TTI1: variants seen among roughly 807,000 people sequenced by gnomAD.
TTI1 encodes TELO2 interacting protein 1.
In TTI1, 52 loss-of-function variants were observed where a neutral mutation model predicts 85.4. That is an observed-to-expected ratio of 0.61 (90% CI 0.49 to 0.77). The LOEUF (loss-of-function observed/expected upper bound fraction) is 0.77. Ranked by LOEUF, TTI1 falls within the 30% of genes least tolerant of loss-of-function variation. The pLI is 0.00. For missense variants in TTI1, 1,173 were observed against 1,296.0 expected (o/e 0.91, Z 1.46); for synonymous variants, 512 against 503.9 (o/e 1.02, Z -0.22).
intron 1 of TTI1, among the ~76,000 whole-genome samples, chr20:38,014,349 A>G (rs554835739): frequency 1.3e-5 from 2 of 152,348 alleles, no homozygotes; most frequent in South Asian, 4.1e-4. Context: ...AGTAAGATAC[A>G]AAATAATTCC....
intron 1 of TTI1, among the ~76,000 whole-genome samples, chr20:38,016,815 A>G (rs951496529): frequency 6.6e-6 from 1 of 152,216 alleles, no homozygotes. Flanking sequence ...TCTGATCGCA[A>G]TTCTCTAGGC....
chr20:38,008,756 G>C (rs1390400875), intron 2 of TTI1, among the ~76,000 whole-genome samples: 1 of 152,190 alleles, frequency 6.6e-6, no homozygotes, highest in Non-Finnish European at 1.5e-5. Flanking sequence ...ATAATTCTAT[G>C]ACAAACAGAA....
chr20:38,003,768 A>G (rs1044258338), intron 3 of TTI1, among the ~76,000 whole-genome samples: 4 of 145,856 alleles, frequency 2.7e-5, no homozygotes, highest in Admixed American at 1.4e-4. Flanking sequence ...AAAAAAAAAA[A>G]GGGAGAGATA....
At chr20:37,986,710 T>C (rs1002357156) in intron 7 of TTI1, among the ~76,000 whole-genome samples, 10 of 152,186 alleles carry the variant, frequency 6.6e-5, no homozygotes, top group African/African-American at 2.4e-4. Flanking sequence ...GACAACACTT[T>C]GAAGTATATG....
At position 37,983,523 on chromosome 20, in the gene TTI1, T is replaced by G. The variant is rs1007399252; in HGVS notation, c.3203A>C (p.His1068Pro). 1 of 1,611,258 alleles carries G rather than the reference T, an allele frequency of 6.2e-7. No homozygotes were observed. Among genetic ancestry groups the G allele is most frequent in the Admixed American group, 1.7e-5 (1 of 59,826 alleles). The change falls in exon 8 of 8, where the codon CAC becomes CCC. Residue 1068 changes from histidine (H) to proline (P), a missense_variant. Coordinates refer to ENST00000373447, the MANE Select transcript of TTI1 (RefSeq NM_001303457.2). ...GGGGTTCTGCTGCCCGCTGGCCCCG[T>G]GCAGCTGCACAGGGTGGAGGCTGGG... ...PHPSLHPVQL[H>P]GASGQQNPYT... is the part of the protein sequence containing the mutation.
At chr20:38,020,323 A>AAAAATATATATAT in intron 1 of TTI1, among the ~76,000 whole-genome samples, 280 of 50,334 alleles carry the variant, frequency 5.6e-3, no homozygotes, top group Non-Finnish European at 8.1e-3. Flanking sequence ...AAAAAAAAAA[A>AAAAATATATATAT]ATATATATAT....
intron 5 of TTI1, among the ~76,000 whole-genome samples, chr20:37,998,118 C>A (rs992036608): frequency 6.6e-6 from 1 of 152,062 alleles, no homozygotes. Context: ...TTAGTGGAGA[C>A]AGGGTTTCAC....
intron 2 of TTI1, among the ~76,000 whole-genome samples, chr20:38,010,493 C>T (rs1227640656): frequency 2.8e-5 from 3 of 106,684 alleles, no homozygotes; most frequent in African/African-American, 1.1e-4. Flanking sequence ...TTTTTTGAGA[C>T]AGAGTCTCAC....
At chr20:38,002,896 T>G in intron 3 of TTI1, 120 bp from the exon 4 acceptor site, 2 of 1,338,266 alleles carry the variant, frequency 1.5e-6, no homozygotes, top group African/African-American at 2.9e-5. Flanking sequence ...ACAAATGGAC[T>G]GAGACACCTC....
chr20:38,014,786 A>G (rs1003309733), intron 1 of TTI1, among the ~76,000 whole-genome samples: 5 of 152,136 alleles, frequency 3.3e-5, no homozygotes, highest in African/African-American at 1.2e-4. Context: ...TTGTGAAGAG[A>G]AATTCAAAGT....
chr20:38,009,398 T>G (rs1245553397), intron 2 of TTI1, among the ~76,000 whole-genome samples: 1 of 152,206 alleles, frequency 6.6e-6, no homozygotes, highest in Non-Finnish European at 1.5e-5. Context: ...GATTTGTCCT[T>G]GCCCTTCTTT....
chr20:38,000,851 C>T (rs1414628881), intron 4 of TTI1, among the ~76,000 whole-genome samples: 1 of 152,172 alleles, frequency 6.6e-6, no homozygotes, highest in Non-Finnish European at 1.5e-5. Flanking sequence ...GTTCTCCTTG[C>T]CCCTTTGCAG....
chr20:38,013,979 T>G, intron 1 of TTI1, 122 bp from the exon 2 acceptor site: 1 of 979,572 alleles, frequency 1.0e-6, no homozygotes, highest in Non-Finnish European at 1.5e-6. Flanking sequence ...CACAAGGCAC[T>G]AGGGGTGCAA....
At chr20:37,991,029 C>T (rs2073257239) in intron 7 of TTI1, among the ~76,000 whole-genome samples, 1 of 152,318 alleles carries the variant, frequency 6.6e-6, no homozygotes, top group Non-Finnish European at 1.5e-5. Context: ...CCAGATGTCT[C>T]TTATCTTTGA....
rs148297601 is a variant in TTI1, at chr20:38,006,628, T to C, written c.2303-231A>G. On this transcript the variant is annotated intron_variant, in intron 2 of 7. Coordinates refer to ENST00000373447, the MANE Select transcript of TTI1 (RefSeq NM_001303457.2). ...CATAGGCCGTTCTCTGTGTCTGGAA[T>C]ACCTCCCATCTACTTCACATCTGGT... 4.3e-3 allele frequency among the ~76,000 whole-genome samples: 648 copies of C among 152,328 alleles called. 1 individual carries two copies. Among genetic ancestry groups the C allele is most frequent in the Non-Finnish European group, 6.2e-3 (420 of 68,024 alleles).
intron 6 of TTI1, 110 bp downstream of exon 6, chr20:37,996,639 G>T (rs1237388575): frequency 7.1e-7 from 1 of 1,412,986 alleles, no homozygotes; most frequent in South Asian, 1.3e-5. Flanking sequence ...TAAGACGGAA[G>T]GAGGTACACA....
rs148366227 is a variant in TTI1, at chr20:38,012,506, C to T, written c.1311G>A (p.Glu437=). The T allele has an allele frequency of 2.6e-4, 427 of 1,614,102 alleles. No homozygotes were observed. The highest frequency in any genetic ancestry group is 6.6e-4 in the Middle Eastern group (4 of 6,084). The change falls in exon 2 of 8, where the codon GAG becomes GAA. Residue 437 remains glutamate, a synonymous_variant. Coordinates refer to ENST00000373447, the MANE Select transcript of TTI1 (RefSeq NM_001303457.2). ...CAATCTTGATGTCAGCCACGTCTAG[C>T]TCTAGAACTTGGATGAGTGCTTTGG... ...RLSKALIQVL[E]LDVADIKIVE... is the part of the protein sequence containing the mutation.
intron 1 of TTI1, among the ~76,000 whole-genome samples, chr20:38,015,266 T>C (rs966021333): frequency 1.3e-5 from 2 of 152,132 alleles, no homozygotes; most frequent in African/African-American, 4.8e-5. Context: ...CCTGGAACCC[T>C]ATGAGGAAGG....
chr20:38,020,295 C>T (rs1357207707), intron 1 of TTI1, among the ~76,000 whole-genome samples: 1 of 94,588 alleles, frequency 1.1e-5, no homozygotes, highest in Non-Finnish European at 2.0e-5. Context: ...TGCTATGTCA[C>T]TTGGCTACTC....
Sources: gnomAD v4.1 joint callset for allele counts (sites outside exome capture counted in the v4.1 genomes callset) on GRCh38, gnomAD v4.1.1 for gene constraint, MANE v1.5 for transcripts, NCBI Gene and HGNC (gene_info 2026-07-23, HGNC 2026-07-21) for gene names.